GALNT16: variants seen among roughly 807,000 people sequenced by gnomAD.
The protein encoded by GALNT16 is polypeptide N-acetylgalactosaminyltransferase 16, also known as UDP-GalNAc:polypeptide N-acetylgalactosaminyltransferase-like protein 1.
A neutral mutation model predicts 76.1 loss-of-function variants in GALNT16; 40 were observed. That is an observed-to-expected ratio of 0.53 (90% CI 0.41 to 0.68). GALNT16 has a LOEUF of 0.68. GALNT16 is among the 30% of genes least tolerant of loss of function. The pLI is 0.00. For missense variants in GALNT16, 621 were observed against 731.9 expected (o/e 0.85, Z 1.75); for synonymous variants, 276 against 285.2 (o/e 0.97, Z 0.32).
chr14:69,321,652 C>A (rs527770778), intron 2 of GALNT16, among the ~76,000 whole-genome samples: 1 of 152,286 alleles, frequency 6.6e-6, no homozygotes, highest in African/African-American at 2.4e-5. Flanking sequence ...TCCTTGCTTT[C>A]ACACATGCTG....
At chr14:69,366,037 G>A in the GALNT16 span, among the ~76,000 whole-genome samples, 1 of 152,234 alleles carries the variant, frequency 6.6e-6, no homozygotes, top group Non-Finnish European at 1.5e-5. Context: ...TAGGAAGATG[G>A]TGTGGAGGGG....
intron 1 of GALNT16, 22 bp from the exon 2 acceptor site, chr14:69,320,689 C>T: frequency 1.2e-6 from 2 of 1,609,942 alleles, no homozygotes; most frequent in Non-Finnish European, 1.7e-6. Context: ...GTGGTCCTCT[C>T]TGATGCTGAC....
chr14:69,340,973 C>G (rs919280555), intron 11 of GALNT16, among the ~76,000 whole-genome samples: 1 of 152,184 alleles, frequency 6.6e-6, no homozygotes, highest in African/African-American at 2.4e-5. Flanking sequence ...AATCTTCTCC[C>G]TATTTATTCA....
At chr14:69,346,054 AT>A (rs60828231) in intron 12 of GALNT16, among the ~76,000 whole-genome samples, 17,850 of 146,060 alleles carry the variant, frequency 0.12, 1,211 homozygotes, top group East Asian at 0.28. Flanking sequence ...TGCCTGGATA[AT>A]TTTTTTTTTT....
In GALNT16 at chr14:69,324,882, A is replaced by G. The variant is rs961102186; in HGVS notation, c.434+92A>G. ...GTGGCCAGACAGCTTGAAGCCCAGC[A>G]GGTGCTGGAGGCTGAGTCCTGTACT... On this transcript the variant is annotated intron_variant, in intron 3 of 14. Transcript: ENST00000448469. The G allele has an allele frequency of 3.4e-5, 25 of 742,742 alleles. No individual in the cohort carries two copies. In the South Asian group the frequency reaches 4.7e-4, roughly 14 times the overall value. The allele number at this position is 742,742 out of a possible 1,614,324, so 46.0% of individuals were successfully genotyped here.
At chr14:69,309,170 A>G (rs564850427) in intron 1 of GALNT16, among the ~76,000 whole-genome samples, 12 of 152,270 alleles carry the variant, frequency 7.9e-5, no homozygotes, top group African/African-American at 2.9e-4. Context: ...ATAAAAGGAT[A>G]TAACTCAGGA....
intron 1 of GALNT16, among the ~76,000 whole-genome samples, chr14:69,281,694 A>G: frequency 6.6e-6 from 1 of 152,282 alleles, no homozygotes; most frequent in Middle Eastern, 3.4e-3. Context: ...CCCAAGGAGA[A>G]GTGGCTTGTT....
chr14:69,311,862 A>G (rs1594841729), intron 1 of GALNT16, among the ~76,000 whole-genome samples: 2 of 152,266 alleles, frequency 1.3e-5, no homozygotes, highest in East Asian at 1.9e-4. Flanking sequence ...TAGTCACACT[A>G]TAAGTGTTCT....
At chr14:69,303,710 C>T (rs1208531404) in intron 1 of GALNT16, among the ~76,000 whole-genome samples, 1 of 152,102 alleles carries the variant, frequency 6.6e-6, no homozygotes, top group African/African-American at 2.4e-5. Context: ...TGTCAAGGTC[C>T]GTAATTTTTA....
the GALNT16 span, among the ~76,000 whole-genome samples, chr14:69,367,977 C>T: frequency 1.3e-5 from 2 of 151,906 alleles, no homozygotes; most frequent in South Asian, 4.2e-4. Context: ...GGCAACAGAA[C>T]GGGATCCAAT....
chr14:69,271,653 T>G (rs943808163), intron 1 of GALNT16, among the ~76,000 whole-genome samples: 1 of 152,234 alleles, frequency 6.6e-6, no homozygotes, highest in Admixed American at 6.5e-5. Context: ...TTCATTTTAT[T>G]TGATTCTCAT....
chr14:69,265,335 T>G (rs1566856954), intron 1 of GALNT16, among the ~76,000 whole-genome samples: 1 of 152,190 alleles, frequency 6.6e-6, no homozygotes, highest in Non-Finnish European at 1.5e-5. Flanking sequence ...AGGTCTTTTA[T>G]TTCTGTGCTG....
chr14:69,340,310 C>G (rs1457873499), intron 11 of GALNT16, among the ~76,000 whole-genome samples: 1 of 152,108 alleles, frequency 6.6e-6, no homozygotes, highest in Non-Finnish European at 1.5e-5. Flanking sequence ...GCTCAAGTCC[C>G]TGATATAAAA....
chr14:69,331,840 C>A (rs1267125652), intron 7 of GALNT16, among the ~76,000 whole-genome samples: 1 of 152,210 alleles, frequency 6.6e-6, no homozygotes, highest in South Asian at 2.1e-4. Flanking sequence ...CCAAATGCTG[C>A]CAGCCTAGGG....
chr14:69,367,897 G>A, the GALNT16 span, among the ~76,000 whole-genome samples: 1 of 152,110 alleles, frequency 6.6e-6, no homozygotes. Context: ...GGAGGCTGAG[G>A]TGCGAGGATC....
At chr14:69,307,328 GCT>G (rs1193000784) in intron 1 of GALNT16, among the ~76,000 whole-genome samples, 1 of 152,194 alleles carries the variant, frequency 6.6e-6, no homozygotes. Context: ...TCACAAAGAA[GCT>G]CTCAGCTCTT....
intron 1 of GALNT16, among the ~76,000 whole-genome samples, chr14:69,302,137 A>C (rs147299135): frequency 8.3e-4 from 126 of 152,344 alleles, no homozygotes; most frequent in African/African-American, 2.9e-3. Context: ...CCCTGATTTA[A>C]TAATCACAGA....
upstream of GALNT16, chr14:69,260,103 G>A: frequency 1.7e-5 from 9 of 521,136 alleles, no homozygotes; most frequent in South Asian, 1.8e-4. Context: ...TTAGGACCGT[G>A]AGGATCGCTC....
rs200996119 is a variant in GALNT16, at chr14:69,316,781, G to GGT, written c.178-3929_178-3928insTG. The stretch of plus-strand genomic sequence containing the variant: ...TTGGGGGCTTGTAGTCTGTGAGGGG[G>GGT]GGGGGCACTGAAGGTCACGTGATGT... On this transcript the variant is annotated intron_variant, in intron 1 of 14. Coordinates refer to ENST00000448469, the MANE Select transcript of GALNT16 (RefSeq NM_001168368.2). Among the ~76,000 whole-genome samples, 26 of 96,740 alleles carry GGT rather than the reference G, an allele frequency of 2.7e-4. No individual in the cohort carries two copies. In the East Asian group the frequency reaches 0.019, roughly 71 times the overall value. 63.5% of individuals were successfully genotyped at this position (96,740 alleles called of 152,430 possible).
Sources: gnomAD v4.1 joint callset for allele counts (sites outside exome capture counted in the v4.1 genomes callset) on GRCh38, gnomAD v4.1.1 for gene constraint, MANE v1.5 for transcripts, NCBI Gene and HGNC (gene_info 2026-07-23, HGNC 2026-07-21) for gene names.